Variants in UNC13C observed in about 807,000 individuals in gnomAD.
UNC13C encodes the protein unc-13 homolog C.
Under a neutral mutation model 245.4 loss-of-function variants are expected in UNC13C, and 174 were observed. That is an observed-to-expected ratio of 0.71 (90% CI 0.63 to 0.80). The LOEUF (loss-of-function observed/expected upper bound fraction) is 0.80, where lower values mean the gene tolerates loss of function less well. UNC13C is among the 30% of genes least tolerant of loss of function. The probability of loss-of-function intolerance (pLI) is 0.00; values close to 1 mark genes in which losing one functional copy is unlikely to be tolerated. For synonymous variants in UNC13C, 992 were observed against 895.1 expected, an observed-to-expected ratio of 1.11 and a Z score of -1.93; for missense variants, 2,829 against 2,602.9, an observed-to-expected ratio of 1.09 and a Z score of -1.89.
At chr15:53,859,631 TAC>T in the UNC13C span, among the ~76,000 whole-genome samples, 1 of 151,326 alleles carries the variant, frequency 6.6e-6, no homozygotes. Context: ...AGTACAGGCA[TAC>T]ACACACACAC....
At chr15:54,396,227 A>ATAATTCATCCACTTTTG (rs1489916941) in intron 18 of UNC13C, among the ~76,000 whole-genome samples, 7 of 151,734 alleles carry the variant, frequency 4.6e-5, no homozygotes, top group Non-Finnish European at 8.9e-5. Context: ...CATTACCCCA[A>ATAATTCATCCACTTTTG]TAATTCATCC....
Position 54,546,817 on chromosome 15 carries a change from T to C in UNC13C, c.5792T>C (p.Ile1931Thr). ...KLVLNKIEKQIVLPPLTDQTG... is the reference protein window; with the variant it reads ...KLVLNKIEKQTVLPPLTDQTG... ...GTTCTCAACAAAATAGAAAAACAAA[T>C]TGTTCTTCCTCCTCTGACAGATCAA... is the stretch of plus-strand genomic sequence containing the variant. The change falls in exon 27 of 33, where the codon ATT (isoleucine) becomes ACT (threonine). Residue 1931 changes from isoleucine to threonine, a missense_variant. Transcript: ENST00000260323. The C allele has an allele frequency of 1.9e-6, 3 of 1,581,530 alleles. No homozygotes were observed. The highest frequency in any genetic ancestry group is 2.6e-6 in the Non-Finnish European group (3 of 1,162,752).
intron 30 of UNC13C, among the ~76,000 whole-genome samples, chr15:54,595,354 C>T (rs1163598914): frequency 6.6e-6 from 1 of 152,092 alleles, no homozygotes; most frequent in Non-Finnish European, 1.5e-5. Context: ...ACTGGCACCC[C>T]AGAAACTCTC....
At chr15:54,588,835 A>G (rs1898621557) in intron 30 of UNC13C, among the ~76,000 whole-genome samples, 1 of 152,186 alleles carries the variant, frequency 6.6e-6, no homozygotes, top group African/African-American at 2.4e-5. Context: ...TTTATGGCTC[A>G]GTAGTATTCC....
intron 1 of UNC13C, among the ~76,000 whole-genome samples, chr15:54,010,745 C>T (rs965611265): frequency 1.3e-5 from 2 of 151,926 alleles, no homozygotes; most frequent in Non-Finnish European, 2.9e-5. Context: ...ATACAATTGC[C>T]ATAGTCTAGA....
Position 54,305,657 on chromosome 15 carries a change from A to C in UNC13C, c.4268+5284A>C, listed in dbSNP as rs574668392. 1.7e-4 allele frequency among the ~76,000 whole-genome samples: 26 copies of C among 152,212 alleles called. No individual in the cohort carries two copies. In the East Asian group the frequency reaches 4.9e-3, roughly 28 times the overall value. Reference sequence around the variant, plus strand: ...CCAACCAACCAACCAACGAAAGAACAACAAAACCTAGAACGCAACATTTGA... The same window carrying C: ...CCAACCAACCAACCAACGAAAGAACCACAAAACCTAGAACGCAACATTTGA... On this transcript the variant is annotated intron_variant, in intron 13 of 32. Transcript: ENST00000260323.
chr15:53,913,782 A>C, the UNC13C span: 1 of 152,204 alleles, frequency 6.6e-6, no homozygotes, highest in Admixed American at 6.5e-5. Context: ...AGCCTTCATC[A>C]TTAGGAAGGG....
At chr15:54,220,912 G>C (rs1395252468) in intron 4 of UNC13C, among the ~76,000 whole-genome samples, 1 of 151,920 alleles carries the variant, frequency 6.6e-6, no homozygotes, top group African/African-American at 2.4e-5. Flanking sequence ...TTTGCTACTT[G>C]GGATGAAAAA....
At chr15:54,194,629 C>T (rs557337018) in intron 4 of UNC13C, among the ~76,000 whole-genome samples, 71 of 152,072 alleles carry the variant, frequency 4.7e-4, no homozygotes, top group South Asian at 8.3e-4. Context: ...AATTTAAGTG[C>T]GAGATCTGGG....
chr15:54,309,951 C>T (rs1236352711), intron 13 of UNC13C, among the ~76,000 whole-genome samples: 1 of 151,704 alleles, frequency 6.6e-6, no homozygotes, highest in East Asian at 2.0e-4. Flanking sequence ...AACTAAAATT[C>T]CATTTGTTGA....
intron 8 of UNC13C, among the ~76,000 whole-genome samples, chr15:54,254,049 C>A (rs1364676433): frequency 6.6e-6 from 1 of 152,198 alleles, no homozygotes; most frequent in Non-Finnish European, 1.5e-5. Flanking sequence ...GTTCTACGTG[C>A]TTTCTACTGA....
rs185084557 is a variant in UNC13C at position 54,335,120 on chromosome 15, A to C, written c.4584+1264A>C. ...GTATTGATGAGCCATCTGTTTTCTT[A>C]GAAAATGTGGTCTCTTCTACTGGTG... On this transcript the variant is annotated intron_variant, in intron 16 of 32. Coordinates refer to ENST00000260323, the MANE Select transcript of UNC13C (RefSeq NM_001080534.3). Among the ~76,000 whole-genome samples, 6 of 152,252 alleles carry C rather than the reference A, an allele frequency of 3.9e-5. No individual in the cohort carries two copies. In the East Asian group the frequency reaches 1.2e-3, roughly 29 times the overall value.
At chr15:53,850,448 T>G in the UNC13C span, among the ~76,000 whole-genome samples, 3 of 152,142 alleles carry the variant, frequency 2.0e-5, no homozygotes, top group African/African-American at 7.2e-5. Flanking sequence ...TTTCATTAAT[T>G]AAAAATATTT....
At chr15:53,845,261 G>A in the UNC13C span, among the ~76,000 whole-genome samples, 3 of 149,916 alleles carry the variant, frequency 2.0e-5, no homozygotes, top group African/African-American at 7.4e-5. Context: ...GGAGGCTGAG[G>A]TTGCAGTGAG....
At chr15:54,110,844 C>T (rs1383797151) in intron 2 of UNC13C, among the ~76,000 whole-genome samples, 2 of 152,166 alleles carry the variant, frequency 1.3e-5, no homozygotes, top group African/African-American at 4.8e-5. Context: ...GAAATGGAAG[C>T]TTGATGACTT....
At chr15:54,025,539 A>C (rs1022866322) in intron 2 of UNC13C, among the ~76,000 whole-genome samples, 1 of 152,246 alleles carries the variant, frequency 6.6e-6, no homozygotes. Context: ...ACCCAGAAGT[A>C]GCAAATCCAG....
chr15:53,875,957 G>A, the UNC13C span, among the ~76,000 whole-genome samples: 2 of 152,172 alleles, frequency 1.3e-5, no homozygotes, highest in African/African-American at 4.8e-5. Context: ...GCCAATTCAT[G>A]TGCTATGTCA....
At chr15:53,897,029 A>C in the UNC13C span, among the ~76,000 whole-genome samples, 2 of 148,988 alleles carry the variant, frequency 1.3e-5, no homozygotes, top group Non-Finnish European at 3.0e-5. Flanking sequence ...GAAATCACTG[A>C]CAGAGTCCAG....
intron 1 of UNC13C, among the ~76,000 whole-genome samples, chr15:53,992,242 A>G (rs1181908362): frequency 2.6e-5 from 4 of 152,034 alleles, no homozygotes; most frequent in Non-Finnish European, 5.9e-5. Context: ...GACTGAATCC[A>G]GTCCATATGT....
Sources: allele counts gnomAD v4.1 joint callset (sites outside exome capture counted in the v4.1 genomes callset), GRCh38; gene constraint gnomAD v4.1.1; transcripts MANE v1.5; gene names NCBI Gene and HGNC (gene_info 2026-07-23, HGNC 2026-07-21).